The following MEF2C variants were observed in gnomAD, a reference collection of about 807,000 sequenced individuals.
The protein encoded by MEF2C is myocyte enhancer factor 2C.
Under a neutral mutation model 50.5 loss-of-function variants are expected in MEF2C, and 6 were observed. The observed-to-expected ratio is 0.12, with a 90% CI of 0.07 to 0.23. The LOEUF is 0.23. Among genes scored for constraint, MEF2C ranks in the 10% least tolerant of loss-of-function variants. MEF2C has a pLI of 1.00. For missense variants in MEF2C, 276 were observed against 605.0 expected (o/e 0.46, Z 5.70); for synonymous variants, 183 against 228.0 (o/e 0.80, Z 1.78).
chr5:88,759,800 T>TATAAGGTATA (rs1777058610), intron 4 of MEF2C, among the ~76,000 whole-genome samples: 1 of 152,228 alleles, frequency 6.6e-6, no homozygotes, highest in Non-Finnish European at 1.5e-5. Context: ...AGATAGGTAT[T>TATAAGGTATA]TATAAGGATA....
chr5:88,845,145 T>C (rs244749), intron 1 of MEF2C, among the ~76,000 whole-genome samples: 50,988 of 152,110 alleles, frequency 0.34, 10,688 homozygotes, highest in African/African-American at 0.58. Flanking sequence ...TTGAACTGCA[T>C]GTAAAAGTTG....
rs114374678 is a variant in MEF2C at position 88,867,917 on chromosome 5, C to T, written c.-143+15038G>A. On this transcript the variant is annotated intron_variant, in intron 1 of 10. Coordinates refer to ENST00000504921, the MANE Select transcript of MEF2C (RefSeq NM_002397.5). ...GTCACTGCAGTCCAACCTATCATTA[C>T]GCGTGCAGCGAGACTCTTTGATGGA... Among the ~76,000 whole-genome samples the T allele has an allele frequency of 4.6e-3, 697 of 152,266 alleles. 5 individuals are homozygous for T. Among genetic ancestry groups the T allele is most frequent in the African/African-American group, 0.016 (663 of 41,554 alleles).
intron 3 of MEF2C, among the ~76,000 whole-genome samples, chr5:88,784,694 T>C (rs980892269): frequency 6.6e-6 from 1 of 152,228 alleles, no homozygotes; most frequent in African/African-American, 2.4e-5. Flanking sequence ...AAACTGAATT[T>C]ATCCTGCATG....
chr5:88,769,453 G>A (rs1177736900), intron 3 of MEF2C, among the ~76,000 whole-genome samples: 1 of 152,134 alleles, frequency 6.6e-6, no homozygotes, highest in African/African-American at 2.4e-5. Context: ...CCCGGACAGG[G>A]CATGCATCAT....
chr5:88,768,831 T>C, intron 3 of MEF2C: 1 of 313,004 alleles, frequency 3.2e-6, no homozygotes, highest in Non-Finnish European at 4.7e-6. Flanking sequence ...CCAAATTTAC[T>C]ACTTTTTGAA....
intron 1 of MEF2C, among the ~76,000 whole-genome samples, chr5:88,899,506 G>T (rs1265844520): frequency 6.6e-6 from 1 of 152,144 alleles, no homozygotes. Flanking sequence ...TAAGTGACTT[G>T]TTTCCAGTCA....
chr5:88,811,804 T>C (rs1408450091), intron 2 of MEF2C, among the ~76,000 whole-genome samples: 2 of 152,028 alleles, frequency 1.3e-5, no homozygotes. Context: ...TTAAAGACAT[T>C]TTAAAGAAAC....
intron 3 of MEF2C, among the ~76,000 whole-genome samples, chr5:88,779,760 G>GTTTTTTTTTTTT (rs70996493): frequency 4.8e-5 from 7 of 147,158 alleles, no homozygotes; most frequent in Non-Finnish European, 6.0e-5. Context: ...GCAAAGTGAG[G>GTTTTTTTTTTTT]TTTTTTTTTT....
At position 88,753,227 on chromosome 5, in the gene MEF2C, AC is replaced by A. The variant is rs768769398; in HGVS notation, c.403-1185del. 5.3e-5 allele frequency among the ~76,000 whole-genome samples: 8 copies of A among 151,768 alleles called. No individual in the cohort carries two copies. The South Asian group carries it at 8.3e-4, about 16-fold the overall frequency. The stretch of plus-strand genomic sequence containing the variant: ...TGTTTATCTTGGTGATGATCACAAT[AC>A]TTTTCTTTGTTTATGTTTATGCTCC... On this transcript the variant is annotated intron_variant, in intron 4 of 10. Transcript: ENST00000504921.
chr5:88,836,611 G>A (rs1027869298), intron 1 of MEF2C, among the ~76,000 whole-genome samples: 1 of 152,178 alleles, frequency 6.6e-6, no homozygotes, highest in Non-Finnish European at 1.5e-5. Flanking sequence ...GGACAGGCAC[G>A]CTGCAGAGGG....
intron 6 of MEF2C, chr5:88,738,038 T>C: frequency 1.0e-6 from 1 of 985,244 alleles, no homozygotes. Flanking sequence ...GATGTCTGAA[T>C]GAGGCAGCGC....
At chr5:88,723,015 C>A in intron 10 of MEF2C, 90 bp from the exon 11 acceptor site, 5 of 1,134,524 alleles carry the variant, frequency 4.4e-6, no homozygotes, top group Non-Finnish European at 6.2e-6. Flanking sequence ...CTTAAAGACT[C>A]GCATAGACAC....
chr5:88,750,669 G>A (rs1412124121), intron 5 of MEF2C, among the ~76,000 whole-genome samples: 1 of 152,094 alleles, frequency 6.6e-6, no homozygotes, highest in Non-Finnish European at 1.5e-5. Flanking sequence ...AAATTCATAC[G>A]AAAATTTTCA....
At position 88,741,746 on chromosome 5, in the gene MEF2C, TG is replaced by T. The variant is rs1456369961; in HGVS notation, c.637+7323del. 2.2e-5 allele frequency: 22 copies of T among 984,782 alleles called. No homozygotes were observed. The East Asian group carries it at 2.5e-3, about 112-fold the overall frequency. The allele number at this position is 984,782 out of a possible 1,614,324, so 61.0% of individuals were successfully genotyped here. On this transcript the variant is annotated intron_variant, in intron 6 of 10. Coordinates refer to ENST00000504921, the MANE Select transcript of MEF2C (RefSeq NM_002397.5). ...GGTTCTTTATAATAACTGGAGGTGG[TG>T]GGTGGACTCTAAGGTCAAGAAATTG... is the stretch of plus-strand genomic sequence containing the variant.
At chr5:88,845,740 T>C (rs796708317) in intron 1 of MEF2C, among the ~76,000 whole-genome samples, 7 of 152,306 alleles carry the variant, frequency 4.6e-5, no homozygotes, top group African/African-American at 1.7e-4. Flanking sequence ...CACTAACTTA[T>C]GGTGCAGAAA....
At chr5:88,794,550 C>T (rs1268411384) in intron 3 of MEF2C, among the ~76,000 whole-genome samples, 1 of 152,074 alleles carries the variant, frequency 6.6e-6, no homozygotes, top group Non-Finnish European at 1.5e-5. Flanking sequence ...AGCCCTTTGT[C>T]AGAGGGATAG....
At chr5:88,746,403 T>C in intron 6 of MEF2C, 2 of 561,148 alleles carry the variant, frequency 3.6e-6, no homozygotes, top group Non-Finnish European at 4.5e-6. Context: ...AAATGTTCAA[T>C]TTACTTCCTT....
At chr5:88,744,383 T>C (rs927335429) in intron 6 of MEF2C, among the ~76,000 whole-genome samples, 1 of 152,148 alleles carries the variant, frequency 6.6e-6, no homozygotes, top group Non-Finnish European at 1.5e-5. Context: ...TGAAACCCCA[T>C]CTCTACTAAA....
chr5:88,764,397 A>G (rs1187368417), intron 3 of MEF2C, among the ~76,000 whole-genome samples: 4 of 152,168 alleles, frequency 2.6e-5, no homozygotes, highest in Non-Finnish European at 4.4e-5. Context: ...CTGCCTGGAG[A>G]CAGTGTGGGG....
Sources: allele counts gnomAD v4.1 joint callset (sites outside exome capture counted in the v4.1 genomes callset), GRCh38; gene constraint gnomAD v4.1.1; transcripts MANE v1.5; gene names NCBI Gene and HGNC (gene_info 2026-07-23, HGNC 2026-07-21).